Variants in GSS observed in about 807,000 individuals in gnomAD.
GSS encodes the protein GSH synthetase.
In GSS, 34 loss-of-function variants were observed where a neutral mutation model predicts 60.4. The observed-to-expected ratio is 0.56, with a 90% CI of 0.43 to 0.75. The LOEUF (loss-of-function observed/expected upper bound fraction) is 0.75. Ranked by LOEUF, GSS falls within the 30% of genes least tolerant of loss-of-function variation. The pLI is 0.00. For synonymous variants in GSS, 224 were observed against 239.0 expected (o/e 0.94, Z 0.58); for missense variants, 499 against 595.1 (o/e 0.84, Z 1.68).
At chr20:34,944,104 C>T (rs1399170114) in intron 3 of GSS, among the ~76,000 whole-genome samples, 1 of 152,236 alleles carries the variant, frequency 6.6e-6, no homozygotes, top group African/African-American at 2.4e-5. Flanking sequence ...TGAGCTCTCT[C>T]ATGCCAGCCC....
In GSS at chr20:34,942,514, C is replaced by T. The variant is rs1407605032; in HGVS notation, c.465G>A (p.Leu155=). The part of the protein sequence containing the change: ...INTISASFGG[L]ASRTPAVHRH... Reference sequence around the variant, plus strand: ...GGTGCACAGCTGGGGTCCGGGAGGCCAGGCCCCCAAAGCTGGCAGAGATGG... The same window carrying T: ...GGTGCACAGCTGGGGTCCGGGAGGCTAGGCCCCCAAAGCTGGCAGAGATGG... Residue 155 remains leucine (L), a synonymous_variant, in exon 5 of 13, where the codon CTG becomes CTA. Coordinates refer to ENST00000651619, the MANE Select transcript of GSS (RefSeq NM_000178.4). 1 of 1,614,012 alleles carries T rather than the reference C, an allele frequency of 6.2e-7. No individual in the cohort carries two copies. Among genetic ancestry groups the T allele is most frequent in the Non-Finnish European group, 8.5e-7 (1 of 1,179,984 alleles).
intron 6 of GSS, among the ~76,000 whole-genome samples, chr20:34,938,457 G>C (rs898141933): frequency 1.3e-5 from 2 of 152,160 alleles, no homozygotes; most frequent in Non-Finnish European, 2.9e-5. Flanking sequence ...CTTTGAGTTG[G>C]GTGCCTGAGA....
At chr20:34,948,145 G>A (rs1345202721) in intron 2 of GSS, among the ~76,000 whole-genome samples, 2 of 152,086 alleles carry the variant, frequency 1.3e-5, no homozygotes, top group Non-Finnish European at 2.9e-5. Context: ...ATAAAACTGA[G>A]GAAGGCTATT....
At chr20:34,953,678 C>A (rs1347188135) in intron 1 of GSS, among the ~76,000 whole-genome samples, 1 of 150,610 alleles carries the variant, frequency 6.6e-6, no homozygotes, top group African/African-American at 2.5e-5. Context: ...TGCAGCCGCA[C>A]GATCTCGGCT....
chr20:34,929,255 G>T, intron 12 of GSS, 146 bp downstream of exon 12: 1 of 796,254 alleles, frequency 1.3e-6, no homozygotes. Flanking sequence ...AATAGATAAA[G>T]AAACAGGTAA....
chr20:34,930,030 G>A (rs1425278846), intron 11 of GSS, among the ~76,000 whole-genome samples: 3 of 152,148 alleles, frequency 2.0e-5, no homozygotes, highest in Non-Finnish European at 4.4e-5. Context: ...CACTTTGGGA[G>A]GCCGAGGCAG....
At position 34,946,010 on chromosome 20, in the gene GSS, T is replaced by C. The variant is rs1251472934; in HGVS notation, c.218A>G (p.Asn73Ser). The C allele has an allele frequency of 1.2e-6, 2 of 1,614,036 alleles. No individual in the cohort carries two copies. The highest frequency in any genetic ancestry group is 2.2e-5 in the East Asian group (1 of 44,904). ...CTGGCTGACAGCATCCACTAGCAGG[T>C]TGAAGTCCATCTGCACAGCATAGGC... ...EQAYAVQMDF[N>S]LLVDAVSQNA... The change falls in exon 3 of 13, where the codon AAC becomes AGC. Residue 73 changes from asparagine to serine, a missense_variant. Asn to Ser is a conservative substitution (Grantham distance 46). Coordinates refer to ENST00000651619, the MANE Select transcript of GSS (RefSeq NM_000178.4).
chr20:34,939,228 G>A (rs1020275877), intron 6 of GSS, among the ~76,000 whole-genome samples: 11 of 151,750 alleles, frequency 7.2e-5, no homozygotes, highest in Non-Finnish European at 1.2e-4. Context: ...CAACAAAAAC[G>A]AAACTCTGTC....
chr20:34,937,956 C>T (rs1164629381), intron 6 of GSS, among the ~76,000 whole-genome samples: 1 of 152,140 alleles, frequency 6.6e-6, no homozygotes, highest in African/African-American at 2.4e-5. Flanking sequence ...CCCCTGGGTT[C>T]CAGCGATTCT....
chr20:34,947,541 C>A (rs971072284), intron 2 of GSS, among the ~76,000 whole-genome samples: 1 of 152,166 alleles, frequency 6.6e-6, no homozygotes, highest in African/African-American at 2.4e-5. Context: ...TCCCCAGAGG[C>A]AAATGACAGA....
chr20:34,935,201 G>A (rs1189308374), intron 9 of GSS, among the ~76,000 whole-genome samples: 1 of 152,114 alleles, frequency 6.6e-6, no homozygotes, highest in Non-Finnish European at 1.5e-5. Context: ...TGAATGAGGA[G>A]ATGATAAAAC....
chr20:34,929,546 G>A lies in GSS; in HGVS notation c.1156C>T (p.Leu386=). 6.2e-7 allele frequency: 1 copy of A among 1,614,070 alleles called. No individual in the cohort carries two copies. The highest frequency in any genetic ancestry group is 1.3e-5 in the African/African-American group (1 of 75,024). The change falls in exon 12 of 13, where the codon CTG becomes TTG. Residue 386 remains leucine, a synonymous_variant. Coordinates refer to ENST00000651619, the MANE Select transcript of GSS (RefSeq NM_000178.4). ...GEEMVQALKQ[L]KDSEERASYI... Reference sequence around the variant, plus strand: ...GAGGCCCTCTCCTCACTGTCCTTCAGCTGTTTCAGGGCCTGTACCATTTCC... The same window carrying A: ...GAGGCCCTCTCCTCACTGTCCTTCAACTGTTTCAGGGCCTGTACCATTTCC...
intron 6 of GSS, among the ~76,000 whole-genome samples, chr20:34,940,974 G>C (rs2081477747): frequency 6.6e-6 from 1 of 152,124 alleles, no homozygotes; most frequent in African/African-American, 2.4e-5. Context: ...GCATGGGCAT[G>C]GGGGGTGGAG....
intron 8 of GSS, among the ~76,000 whole-genome samples, chr20:34,936,151 T>C (rs1446151990): frequency 2.6e-5 from 4 of 152,256 alleles, no homozygotes; most frequent in Admixed American, 6.5e-5. Context: ...ACCTATTTGA[T>C]ATTGTCTAGT....
Position 34,942,561 on chromosome 20 carries a change from G to A in GSS, c.418C>T (p.Leu140=). 6.2e-7 allele frequency: 1 copy of A among 1,614,064 alleles called. No homozygotes were observed. Among genetic ancestry groups the A allele is most frequent in the Non-Finnish European group, 8.5e-7 (1 of 1,179,918 alleles). The change falls in exon 5 of 13, where the codon CTG becomes TTG. Residue 140 remains leucine, a synonymous_variant. Transcript: ENST00000651619. ...FQRSADGSPA[L]KQIEINTISA... is the part of the protein sequence containing the mutation. ...ATGGTGTTGATTTCGATCTGTTTCA[G>A]GGCTGGGGAGCCATCTGCGCTGCGC...
chr20:34,946,434 C>T (rs2081523774), intron 2 of GSS, among the ~76,000 whole-genome samples: 1 of 152,220 alleles, frequency 6.6e-6, no homozygotes, highest in East Asian at 1.9e-4. Context: ...GAGGAAGATA[C>T]TATTATTATC....
At chr20:34,955,853 G>C (rs979899530), upstream of GSS, 3 of 152,324 alleles carry the variant, frequency 2.0e-5, no homozygotes, top group Non-Finnish European at 2.9e-5. Context: ...AAGAGCAGGC[G>C]GGGCAGAGAC....
intron 11 of GSS, 127 bp downstream of exon 11, chr20:34,931,209 T>C (rs565975591): frequency 5.1e-6 from 4 of 781,108 alleles, no homozygotes; most frequent in African/African-American, 1.7e-5. Flanking sequence ...GTCCAACATG[T>C]GGCCTGTGTC....
chr20:34,940,919 A>C (rs1248202389), intron 6 of GSS, among the ~76,000 whole-genome samples: 1 of 152,196 alleles, frequency 6.6e-6, no homozygotes, highest in Admixed American at 6.6e-5. Flanking sequence ...AATCATAACA[A>C]TCTGGATCAT....
Sources: gnomAD v4.1 joint callset for allele counts (sites outside exome capture counted in the v4.1 genomes callset) on GRCh38, gnomAD v4.1.1 for gene constraint, MANE v1.5 for transcripts, NCBI Gene and HGNC (gene_info 2026-07-23, HGNC 2026-07-21) for gene names.